The following CNTNAP5 variants were observed in gnomAD, a reference collection of about 807,000 sequenced individuals.
CNTNAP5 encodes contactin-associated protein-like 5.
A neutral mutation model predicts 150.2 loss-of-function variants in CNTNAP5; 72 were observed. The observed-to-expected ratio is 0.48, with a 90% CI of 0.40 to 0.58. The LOEUF is 0.58. CNTNAP5 is among the 20% of genes least tolerant of loss of function. The pLI, the probability that CNTNAP5 is intolerant of heterozygous loss-of-function variation, is 0.00. For missense variants in CNTNAP5, 1,636 were observed against 1,626.2 expected (o/e 1.01, Z -0.10); for synonymous variants, 672 against 619.8 (o/e 1.08, Z -1.25).
chr2:124,769,156 G>A (rs1009123700), intron 16 of CNTNAP5, among the ~76,000 whole-genome samples: 1 of 152,064 alleles, frequency 6.6e-6, no homozygotes, highest in Non-Finnish European at 1.5e-5. Context: ...AGTGCAGAGT[G>A]TGTCCTAAGG....
intron 1 of CNTNAP5, among the ~76,000 whole-genome samples, chr2:124,149,834 G>A (rs554501017): frequency 2.0e-5 from 3 of 152,294 alleles, no homozygotes; most frequent in African/African-American, 2.4e-5. Flanking sequence ...TTCTGTTGCC[G>A]CCAAAACAAT....
intron 14 of CNTNAP5, among the ~76,000 whole-genome samples, chr2:124,759,622 T>C (rs939712694): frequency 4.0e-5 from 6 of 151,840 alleles, no homozygotes; most frequent in Non-Finnish European, 7.4e-5. Context: ...GACCTGCTTT[T>C]GTTTTCTTGT....
At chr2:124,292,687 A>G (rs186153494) in intron 3 of CNTNAP5, among the ~76,000 whole-genome samples, 156 of 152,160 alleles carry the variant, frequency 1.0e-3, no homozygotes, top group Admixed American at 9.4e-3. Flanking sequence ...AAGGAGGAGA[A>G]AACACTTCGC....
At chr2:124,457,961 A>G (rs191624499) in intron 6 of CNTNAP5, among the ~76,000 whole-genome samples, 110 of 151,746 alleles carry the variant, frequency 7.2e-4, no homozygotes, top group African/African-American at 2.6e-3. Flanking sequence ...CTGTACTGTT[A>G]GTGGCAATGT....
intron 1 of CNTNAP5, among the ~76,000 whole-genome samples, chr2:124,070,936 C>T (rs905892929): frequency 4.6e-5 from 7 of 151,880 alleles, no homozygotes; most frequent in African/African-American, 1.7e-4. Context: ...CAAGGATAGA[C>T]CATATAGTAG....
chr2:124,905,266 TCAAAAAGA>T (rs1356636771), intron 22 of CNTNAP5, among the ~76,000 whole-genome samples: 2 of 151,276 alleles, frequency 1.3e-5, no homozygotes, highest in African/African-American at 4.9e-5. Flanking sequence ...ATGGTTAGTA[TCAAAAAGA>T]CAAGAACAAC....
chr2:124,693,165 C>A (rs1305473797), intron 13 of CNTNAP5, among the ~76,000 whole-genome samples: 1 of 151,980 alleles, frequency 6.6e-6, no homozygotes, highest in Admixed American at 6.6e-5. Flanking sequence ...TGGGCCTGGA[C>A]CAAGTGCTTT....
Position 124,571,465 on chromosome 2 carries a change from T to A in CNTNAP5, c.1756+8142T>A, listed in dbSNP as rs77809778. Among the ~76,000 whole-genome samples, 846 of 151,220 alleles carry A rather than the reference T, an allele frequency of 5.6e-3. 7 individuals are homozygous for A. The highest frequency in any genetic ancestry group is 0.019 in the African/African-American group (797 of 41,126). On this transcript the variant is annotated intron_variant, in intron 11 of 23. Transcript: ENST00000682447. ...AGTCAGAAGAGGGATGTTTCAGGAA[T>A]AGACTATTCACAGAGATGTCTAGGT...
At chr2:124,567,092 C>T (rs10203351) in intron 11 of CNTNAP5, among the ~76,000 whole-genome samples, 3 of 152,110 alleles carry the variant, frequency 2.0e-5, no homozygotes, top group Non-Finnish European at 4.4e-5. Context: ...CGAAAACAGT[C>T]TTTTCCCCCT....
chr2:124,136,608 G>T (rs1028418421), intron 1 of CNTNAP5, among the ~76,000 whole-genome samples: 1 of 152,166 alleles, frequency 6.6e-6, no homozygotes, highest in African/African-American at 2.4e-5. Context: ...CAGAATGTTT[G>T]TTCAGGTACT....
At position 124,333,921 on chromosome 2, in the gene CNTNAP5, C is replaced by T. The variant is rs1375878163; in HGVS notation, c.382-83522C>T. ...CAGTACTGTAATTGCTGCCAATTAT[C>T]TTTAAAATTGCTGGTCTTGCTGGTG... On this transcript the variant is annotated intron_variant, in intron 3 of 23. Transcript: ENST00000682447. 4.6e-5 allele frequency among the ~76,000 whole-genome samples: 7 copies of T among 152,310 alleles called. 1 individual carries two copies. The East Asian group carries it at 1.3e-3, about 29-fold the overall frequency.
At position 124,879,644 on chromosome 2, in the gene CNTNAP5, T is replaced by G. The variant is rs537413317; in HGVS notation, c.3436+9882T>G. Among the ~76,000 whole-genome samples, 307 of 152,228 alleles carry G rather than the reference T, an allele frequency of 2.0e-3. 2 individuals carry two copies. The highest frequency in any genetic ancestry group is 7.3e-3 in the African/African-American group (302 of 41,570). On this transcript the variant is annotated intron_variant, in intron 21 of 23. Coordinates refer to ENST00000682447, the MANE Select transcript of CNTNAP5 (RefSeq NM_001367498.1). ...GTAGGAGTAGTAATACTTGCTTTAT[T>G]TATTTGTTTTGAAGATATGAGATAA... is the stretch of plus-strand genomic sequence containing the variant.
At chr2:124,080,749 T>A (rs1682541991) in intron 1 of CNTNAP5, among the ~76,000 whole-genome samples, 1 of 152,212 alleles carries the variant, frequency 6.6e-6, no homozygotes, top group African/African-American at 2.4e-5. Context: ...CTTGAAATAA[T>A]GCCATTATAA....
intron 10 of CNTNAP5, among the ~76,000 whole-genome samples, chr2:124,546,327 G>A (rs1168728716): frequency 6.6e-6 from 1 of 151,550 alleles, no homozygotes; most frequent in Non-Finnish European, 1.5e-5. Flanking sequence ...AAATGCTGGA[G>A]TAAGAAAAGT....
At chr2:124,705,869 A>G (rs1403773119) in intron 13 of CNTNAP5, among the ~76,000 whole-genome samples, 3 of 152,158 alleles carry the variant, frequency 2.0e-5, no homozygotes, top group African/African-American at 7.2e-5. Context: ...TTTCAGGTTA[A>G]CCCTTGGTTC....
intron 1 of CNTNAP5, among the ~76,000 whole-genome samples, chr2:124,084,408 A>G (rs1338383533): frequency 1.3e-5 from 2 of 151,978 alleles, no homozygotes; most frequent in African/African-American, 4.8e-5. Context: ...CTGGGACTAC[A>G]GATGCATGCC....
chr2:124,519,835 GAA>G (rs926697685), intron 8 of CNTNAP5, among the ~76,000 whole-genome samples: 3 of 152,088 alleles, frequency 2.0e-5, no homozygotes, highest in Non-Finnish European at 2.9e-5. Context: ...TGATTCCTAG[GAA>G]AGCGCAGGGC....
At chr2:124,397,284 A>G (rs1691275361) in intron 3 of CNTNAP5, among the ~76,000 whole-genome samples, 1 of 152,208 alleles carries the variant, frequency 6.6e-6, no homozygotes, top group Non-Finnish European at 1.5e-5. Context: ...TTTATTTCCC[A>G]CAGTTCTGGA....
At chr2:124,862,093 C>T (rs1018137882) in intron 19 of CNTNAP5, among the ~76,000 whole-genome samples, 1 of 152,166 alleles carries the variant, frequency 6.6e-6, no homozygotes, top group African/African-American at 2.4e-5. Context: ...GGATTACAGG[C>T]GTGAGCCATC....
Sources: gnomAD v4.1 joint callset for allele counts (sites outside exome capture counted in the v4.1 genomes callset) on GRCh38, gnomAD v4.1.1 for gene constraint, MANE v1.5 for transcripts, NCBI Gene and HGNC (gene_info 2026-07-23, HGNC 2026-07-21) for gene names.